KREMEN1: variants seen among roughly 807,000 people sequenced by gnomAD.
The protein encoded by KREMEN1 is kremen protein 1.
KREMEN1 carries 30 observed loss-of-function variants against 46.5 expected under a neutral mutation model. The ratio of observed to expected loss-of-function variants is 0.65; its 90% CI spans 0.48 to 0.88. The LOEUF is 0.88. Ranked by LOEUF, KREMEN1 falls within the 40% of genes least tolerant of loss-of-function variation. KREMEN1 has a pLI of 0.00. For synonymous variants in KREMEN1, 214 were observed against 230.6 expected, an observed-to-expected ratio of 0.93 and a Z score of 0.65; for missense variants, 533 against 596.9, an observed-to-expected ratio of 0.89 and a Z score of 1.11.
downstream of KREMEN1, among the ~76,000 whole-genome samples, chr22:29,151,200 A>T (rs1318592394): frequency 2.6e-5 from 4 of 151,920 alleles, no homozygotes; most frequent in Non-Finnish European, 5.9e-5. Flanking sequence ...GGGTCCAGAG[A>T]CCCCCTGCCC....
At chr22:29,084,243 C>A (rs938012015) in intron 1 of KREMEN1, among the ~76,000 whole-genome samples, 1 of 152,068 alleles carries the variant, frequency 6.6e-6, no homozygotes, top group Non-Finnish European at 1.5e-5. Flanking sequence ...GGCTTCTTTA[C>A]CACATCCTGT....
intron 5 of KREMEN1, among the ~76,000 whole-genome samples, chr22:29,129,325 C>T (rs926150907): frequency 9.9e-5 from 15 of 150,862 alleles, no homozygotes; most frequent in East Asian, 3.9e-4. Flanking sequence ...CCAGCCTGGG[C>T]GACAGAGTGA....
downstream of KREMEN1, among the ~76,000 whole-genome samples, chr22:29,148,588 G>A (rs1307607495): frequency 2.6e-5 from 4 of 151,886 alleles, no homozygotes; most frequent in Non-Finnish European, 5.9e-5. Context: ...CGGAGTAGCT[G>A]GAATTACAGG....
At chr22:29,109,026 G>A (rs2145789616) in intron 3 of KREMEN1, among the ~76,000 whole-genome samples, 1 of 152,308 alleles carries the variant, frequency 6.6e-6, no homozygotes, top group East Asian at 1.9e-4. Context: ...CTGGGCTCAA[G>A]CAATCCTCCC....
exon 10 of KREMEN1, chr22:29,167,395 C>T (rs73397056): frequency 7.4e-5 from 32 of 431,658 alleles, no homozygotes; most frequent in African/African-American, 3.8e-4. Context: ...CGGTGTCCTC[C>T]GCACAGCCGG....
chr22:29,131,698 G>GCA (rs1411309422), intron 5 of KREMEN1, among the ~76,000 whole-genome samples: 1 of 116,896 alleles, frequency 8.6e-6, no homozygotes, highest in East Asian at 2.2e-4. Context: ...ATGTATATAT[G>GCA]TGTATATATA....
At chr22:29,091,536 C>G (rs1171707742) in intron 1 of KREMEN1, among the ~76,000 whole-genome samples, 1 of 152,182 alleles carries the variant, frequency 6.6e-6, no homozygotes, top group East Asian at 1.9e-4. Flanking sequence ...TGTATTAACA[C>G]ACAGCAATTA....
In KREMEN1 at chr22:29,073,206, C is replaced by T. The variant is rs2037500202; in HGVS notation, c.76C>T (p.Pro26Ser). 2 of 1,185,876 alleles carry T rather than the reference C, an allele frequency of 1.7e-6. No individual in the cohort carries two copies. The highest frequency in any genetic ancestry group is 3.7e-5 in the East Asian group (1 of 26,946). The allele number at this position is 1,185,876 out of a possible 1,614,324, so 73.5% of individuals were successfully genotyped here. A position where few individuals can be genotyped will look rare whatever the true frequency, so the allele number is the denominator to read the frequency against. ...GCTGGCGGCCCGGCCCGCGCCTAGC[C>T]CCGGCCTCGGCCCCGGACCCGGTGA... ...LTLAARPAPS[P>S]GLGPGPECFT... The change falls in exon 1 of 9, where the codon CCC becomes TCC. Residue 26 changes from proline to serine, a missense_variant. By Grantham distance (74) the Pro-to-Ser change is moderately conservative (BLOSUM62 -1). Coordinates refer to ENST00000400335, the MANE Select transcript of KREMEN1 (RefSeq NM_001039570.3). This position sits in a 1 kb window ranked among gnomAD's most constrained non-coding sequence, Gnocchi z 4.4.
chr22:29,105,472 C>CACAT (rs1453362645), intron 3 of KREMEN1, among the ~76,000 whole-genome samples: 1 of 121,754 alleles, frequency 8.2e-6, no homozygotes, highest in East Asian at 2.3e-4. Context: ...CGCACACACA[C>CACAT]ACACATACAC....
intron 1 of KREMEN1, among the ~76,000 whole-genome samples, chr22:29,074,036 C>T (rs1374871546): frequency 6.6e-6 from 1 of 152,228 alleles, no homozygotes; most frequent in Non-Finnish European, 1.5e-5. Context: ...TGGAACCCGG[C>T]GCCTCCCCGC....
chr22:29,075,848 T>C (rs2037561613), intron 1 of KREMEN1, among the ~76,000 whole-genome samples: 1 of 152,232 alleles, frequency 6.6e-6, no homozygotes, highest in African/African-American at 2.4e-5. Flanking sequence ...CTGCACAATT[T>C]TGTAATATTT....
At chr22:29,092,803 CT>C (rs1483342756) in intron 1 of KREMEN1, among the ~76,000 whole-genome samples, 2 of 152,118 alleles carry the variant, frequency 1.3e-5, no homozygotes, top group Non-Finnish European at 2.9e-5. Context: ...TGGTGAAACC[CT>C]GTATCTACTA....
At chr22:29,103,592 C>T (rs938499629) in intron 3 of KREMEN1, among the ~76,000 whole-genome samples, 1 of 152,150 alleles carries the variant, frequency 6.6e-6, no homozygotes, top group African/African-American at 2.4e-5. Context: ...ACTTCAAAAG[C>T]AAATTCCAAC....
chr22:29,098,191 A>G (rs113688518), intron 2 of KREMEN1, among the ~76,000 whole-genome samples: 6 of 152,132 alleles, frequency 3.9e-5, no homozygotes, highest in Non-Finnish European at 7.4e-5. Flanking sequence ...GTCTCAAAAA[A>G]AAAAAAGCCT....
chr22:29,135,199 A>C (rs1227563618), intron 5 of KREMEN1, among the ~76,000 whole-genome samples: 1 of 152,174 alleles, frequency 6.6e-6, no homozygotes, highest in Non-Finnish European at 1.5e-5. Flanking sequence ...GCTCAAGGCA[A>C]TCAGGGACCA....
chr22:29,114,808 C>T (rs16987118), intron 3 of KREMEN1, among the ~76,000 whole-genome samples: 2,062 of 152,202 alleles, frequency 0.014, 56 homozygotes, highest in African/African-American at 0.047. Context: ...ATTTGATGAC[C>T]TCAAGTTACC....
At chr22:29,162,545 C>T (rs1477921479) in intron 9 of KREMEN1, among the ~76,000 whole-genome samples, 2 of 151,966 alleles carry the variant, frequency 1.3e-5, no homozygotes, top group African/African-American at 2.4e-5. Flanking sequence ...GGTGAAACCC[C>T]GTTTCCACTA....
In KREMEN1 at chr22:29,077,699, C is replaced by T. The variant is rs192921723; in HGVS notation, c.97+4472C>T. 2.9e-3 allele frequency among the ~76,000 whole-genome samples: 441 copies of T among 152,242 alleles called. 1 individual carries two copies. Among genetic ancestry groups the T allele is most frequent in the African/African-American group, 0.01 (416 of 41,532 alleles). ...AAACAGGCAGTGAGCCAGATCTGGG[C>T]CACAGGCTGTGCTTTGCTGAGTTCT... On this transcript the variant is annotated intron_variant, in intron 1 of 8. Transcript: ENST00000400335.
chr22:29,078,608 A>G (rs549170576), intron 1 of KREMEN1, among the ~76,000 whole-genome samples: 2 of 152,362 alleles, frequency 1.3e-5, no homozygotes, highest in African/African-American at 2.4e-5. Flanking sequence ...TGTGCTTAGC[A>G]TAGCTGATTA....
Sources: gnomAD v4.1 joint callset for allele counts (sites outside exome capture counted in the v4.1 genomes callset) on GRCh38, gnomAD v4.1.1 for gene constraint, Gnocchi (gnomAD v3.1) non-coding constraint, MANE v1.5 for transcripts, NCBI Gene and HGNC (gene_info 2026-07-23, HGNC 2026-07-21) for gene names.